The following TENM2 variants were observed in gnomAD, a reference collection of about 807,000 sequenced individuals.
The protein encoded by TENM2 is teneurin-2.
In TENM2, 52 loss-of-function variants were observed where a neutral mutation model predicts 245.2. The observed-to-expected ratio is 0.21, with a 90% CI of 0.17 to 0.27. The LOEUF is 0.27. Among genes scored for constraint, TENM2 ranks in the 10% least tolerant of loss-of-function variants. The pLI is 1.00. For synonymous variants in TENM2, 1,363 were observed against 1,438.9 expected (o/e 0.95, Z 1.19); for missense variants, 3,046 against 3,666.8 (o/e 0.83, Z 4.37).
At chr5:168,151,511 T>C (rs1341993423) in intron 12 of TENM2, among the ~76,000 whole-genome samples, 1 of 152,232 alleles carries the variant, frequency 6.6e-6, no homozygotes, top group Non-Finnish European at 1.5e-5. Context: ...CCATGCATCA[T>C]GGATTCTCTC....
intron 4 of TENM2, among the ~76,000 whole-genome samples, chr5:167,992,588 A>T (rs1783748841): frequency 6.6e-6 from 1 of 152,182 alleles, no homozygotes; most frequent in Non-Finnish European, 1.5e-5. Flanking sequence ...TGAACCCAAA[A>T]TAAAAGTTTT....
At chr5:167,613,148 G>A (rs886185234) in intron 2 of TENM2, among the ~76,000 whole-genome samples, 21 of 152,212 alleles carry the variant, frequency 1.4e-4, no homozygotes, top group Middle Eastern at 3.4e-3. Flanking sequence ...CCCATGTTCT[G>A]GTGTCAGATC....
intron 2 of TENM2, among the ~76,000 whole-genome samples, chr5:167,668,963 T>C (rs1393418112): frequency 6.6e-6 from 1 of 152,046 alleles, no homozygotes; most frequent in East Asian, 1.9e-4. Context: ...CAAAAATAAA[T>C]AAATAAATAA....
chr5:167,976,802 T>G (rs1782474525), intron 4 of TENM2, among the ~76,000 whole-genome samples: 1 of 152,088 alleles, frequency 6.6e-6, no homozygotes, highest in East Asian at 1.9e-4. Context: ...GTTTAAAAAT[T>G]TCATGGATAT....
At chr5:166,983,166 C>T in the TENM2 span, among the ~76,000 whole-genome samples, 231 of 152,154 alleles carry the variant, frequency 1.5e-3, no homozygotes, top group African/African-American at 5.0e-3. Context: ...AGGTCCTGCT[C>T]ATATTTCCAA....
At chr5:167,615,300 C>A (rs912700200) in intron 2 of TENM2, among the ~76,000 whole-genome samples, 1 of 151,946 alleles carries the variant, frequency 6.6e-6, no homozygotes, top group African/African-American at 2.4e-5. Flanking sequence ...GTAAATATTA[C>A]CCTTATTAAG....
intron 1 of TENM2, among the ~76,000 whole-genome samples, chr5:167,342,543 C>T (rs1174372013): frequency 6.6e-5 from 5 of 76,206 alleles, no homozygotes; most frequent in Non-Finnish European, 7.1e-5. Context: ...TTTTTTGAGA[C>T]GGAGTCTCGC....
intron 5 of TENM2, among the ~76,000 whole-genome samples, chr5:168,009,755 T>G (rs915550668): frequency 1.3e-5 from 2 of 152,234 alleles, no homozygotes; most frequent in Admixed American, 1.3e-4. Context: ...TAATTATGTC[T>G]CTTTGCTTTC....
intron 5 of TENM2, among the ~76,000 whole-genome samples, 191 bp downstream of exon 7, chr5:167,993,373 C>T (rs985917933): frequency 6.6e-6 from 1 of 152,168 alleles, no homozygotes. Flanking sequence ...ATGAGTTTCT[C>T]CTTCATGTTT....
At chr5:167,167,301 G>T in the TENM2 span, among the ~76,000 whole-genome samples, 2 of 152,122 alleles carry the variant, frequency 1.3e-5, no homozygotes, top group Non-Finnish European at 2.9e-5. Flanking sequence ...CAATGTATGT[G>T]ACTTTTATTA....
chr5:167,763,565 G>A (rs1282984229), intron 2 of TENM2, among the ~76,000 whole-genome samples: 1 of 152,220 alleles, frequency 6.6e-6, no homozygotes, highest in Non-Finnish European at 1.5e-5. Context: ...GCTGTTCACA[G>A]ACACAAGCTC....
At chr5:167,000,963 G>A in the TENM2 span, among the ~76,000 whole-genome samples, 2 of 151,946 alleles carry the variant, frequency 1.3e-5, no homozygotes, top group Non-Finnish European at 2.9e-5. Flanking sequence ...TTTTGTTGTT[G>A]TTGTTTCTAG....
chr5:166,987,468 T>C, the TENM2 span, among the ~76,000 whole-genome samples: 5 of 151,910 alleles, frequency 3.3e-5, no homozygotes, highest in African/African-American at 1.2e-4. Context: ...ACTCCAAATG[T>C]ATTTACTCTG....
chr5:167,029,467 C>T, the TENM2 span, among the ~76,000 whole-genome samples: 1 of 152,310 alleles, frequency 6.6e-6, no homozygotes, highest in Non-Finnish European at 1.5e-5. Flanking sequence ...AGGGCAGCAG[C>T]TCAGCATCTG....
intron 2 of TENM2, among the ~76,000 whole-genome samples, chr5:167,602,442 T>C (rs932138557): frequency 3.9e-5 from 6 of 152,188 alleles, no homozygotes; most frequent in Non-Finnish European, 7.3e-5. Flanking sequence ...TATTTTTTTA[T>C]TGATGAGGAC....
chr5:167,348,819 T>G (rs1362824433), intron 1 of TENM2, among the ~76,000 whole-genome samples: 1 of 152,210 alleles, frequency 6.6e-6, no homozygotes, highest in Non-Finnish European at 1.5e-5. Context: ...TAATACTGCC[T>G]TCTTGGCATC....
At chr5:167,405,768 A>AC (rs1491144970) in intron 2 of TENM2, among the ~76,000 whole-genome samples, 140 of 123,130 alleles carry the variant, frequency 1.1e-3, no homozygotes, top group African/African-American at 3.7e-3. Flanking sequence ...ACACACACAC[A>AC]AACACACACA....
At chr5:167,352,081 C>T (rs1246626645) in intron 1 of TENM2, among the ~76,000 whole-genome samples, 3 of 152,186 alleles carry the variant, frequency 2.0e-5, no homozygotes, top group African/African-American at 7.2e-5. Flanking sequence ...TTATTTTTTG[C>T]TATCATTTAT....
intron 2 of TENM2, among the ~76,000 whole-genome samples, chr5:167,750,280 C>A (rs1475446229): frequency 3.9e-5 from 6 of 152,120 alleles, no homozygotes; most frequent in Non-Finnish European, 1.5e-5. Flanking sequence ...CAGCTGCTGT[C>A]CATATAGGCC....
Sources: allele counts gnomAD v4.1 joint callset (sites outside exome capture counted in the v4.1 genomes callset), GRCh38; gene constraint gnomAD v4.1.1; transcripts MANE v1.5; gene names NCBI Gene and HGNC (gene_info 2026-07-23, HGNC 2026-07-21).